Variants in FBXW7 observed in about 807,000 individuals in gnomAD.
FBXW7 encodes F-box and WD repeat domain containing 7.
A neutral mutation model predicts 86.3 loss-of-function variants in FBXW7; 11 were observed. That is an observed-to-expected ratio of 0.13 (90% CI 0.08 to 0.21). The LOEUF is 0.21. Among genes scored for constraint, FBXW7 ranks in the 10% least tolerant of loss-of-function variants. The pLI, the probability that FBXW7 is intolerant of heterozygous loss-of-function variation, is 1.00. For synonymous variants in FBXW7, 313 were observed against 297.9 expected, an observed-to-expected ratio of 1.05 and a Z score of -0.52; for missense variants, 488 against 847.4, an observed-to-expected ratio of 0.58 and a Z score of 5.27.
At chr4:152,473,591 C>T (rs914041155) in intron 2 of FBXW7, among the ~76,000 whole-genome samples, 2 of 152,176 alleles carry the variant, frequency 1.3e-5, no homozygotes, top group Non-Finnish European at 2.9e-5. Context: ...CTCAAGCAAT[C>T]CACCTCAGCT....
At chr4:152,466,275 G>T (rs919749830) in intron 2 of FBXW7, among the ~76,000 whole-genome samples, 8 of 152,158 alleles carry the variant, frequency 5.3e-5, no homozygotes, top group Non-Finnish European at 4.4e-5. Context: ...AAAGACACTG[G>T]CTGGGCGCAG....
intron 2 of FBXW7, among the ~76,000 whole-genome samples, chr4:152,511,028 A>G (rs1033279471): frequency 6.8e-6 from 1 of 147,854 alleles, no homozygotes; most frequent in Non-Finnish European, 1.5e-5. Context: ...AGCCTCAAAC[A>G]CCACGGTTAA....
intron 2 of FBXW7, among the ~76,000 whole-genome samples, chr4:152,456,348 T>TA (rs1209502003): frequency 3.5e-5 from 4 of 115,892 alleles, no homozygotes; most frequent in East Asian, 4.7e-4. Flanking sequence ...CCTATCTCTT[T>TA]AAAAAAATCC....
At chr4:152,366,832 T>C (rs1733530716) in intron 4 of FBXW7, among the ~76,000 whole-genome samples, 1 of 152,216 alleles carries the variant, frequency 6.6e-6, no homozygotes, top group South Asian at 2.1e-4. Flanking sequence ...CACACGTATG[T>C]TTATTGTGGC....
At chr4:152,451,060 T>C (rs372835773) in intron 2 of FBXW7, among the ~76,000 whole-genome samples, 35 of 152,310 alleles carry the variant, frequency 2.3e-4, no homozygotes, top group Admixed American at 9.8e-4. Context: ...AGGTTGCAGA[T>C]AGATGGAGCT....
Position 152,361,545 on chromosome 4 carries a change from ATAGT to A in FBXW7, c.502-11425_502-11422del, listed in dbSNP as rs754118826. Among the ~76,000 whole-genome samples the A allele has an allele frequency of 3.6e-4, 55 of 152,214 alleles. 1 individual carries two copies. The highest frequency in any genetic ancestry group is 5.7e-4 in the Non-Finnish European group (39 of 68,024). ...TTATGTGCAGTGAACTGTAAGACTG[ATAGT>A]TAGAAGCACTTTGCTATCTTCTCAA... On this transcript the variant is annotated intron_variant, in intron 4 of 13. Coordinates refer to ENST00000281708, the MANE Select transcript of FBXW7 (RefSeq NM_001349798.2).
intron 4 of FBXW7, among the ~76,000 whole-genome samples, chr4:152,356,562 T>C (rs1167435548): frequency 6.6e-6 from 1 of 152,186 alleles, no homozygotes; most frequent in East Asian, 1.9e-4. Context: ...GTTAGCTGTC[T>C]TGCCCTGAGC....
intron 2 of FBXW7, among the ~76,000 whole-genome samples, chr4:152,436,145 A>T (rs1740361882): frequency 6.6e-6 from 1 of 152,222 alleles, no homozygotes; most frequent in Non-Finnish European, 1.5e-5. Flanking sequence ...TTTAAATCAA[A>T]AGCTAGAAAT....
intron 2 of FBXW7, among the ~76,000 whole-genome samples, chr4:152,487,294 G>A (rs1463305354): frequency 6.6e-6 from 1 of 152,028 alleles, no homozygotes; most frequent in African/African-American, 2.4e-5. Context: ...AGGGGAAAAG[G>A]ATACTTTTAC....
At chr4:152,400,584 C>T (rs1736838446) in intron 4 of FBXW7, among the ~76,000 whole-genome samples, 1 of 151,850 alleles carries the variant, frequency 6.6e-6, no homozygotes, top group South Asian at 2.1e-4. Context: ...TGGGCTCAAG[C>T]GATCCTCCCA....
chr4:152,460,740 G>T (rs980980936), intron 2 of FBXW7, among the ~76,000 whole-genome samples: 13 of 152,136 alleles, frequency 8.5e-5, no homozygotes, highest in African/African-American at 3.1e-4. Flanking sequence ...CTGTTTTTTT[G>T]TGTGTGTTTA....
intron 8 of FBXW7, among the ~76,000 whole-genome samples, chr4:152,331,903 G>A (rs1156498715): frequency 6.6e-6 from 1 of 151,906 alleles, no homozygotes; most frequent in Non-Finnish European, 1.5e-5. Context: ...AAGCACCCTG[G>A]ATCTTTACCT....
intron 2 of FBXW7, among the ~76,000 whole-genome samples, 200 bp downstream of exon 2, chr4:152,534,739 GCA>G (rs1750341067): frequency 6.6e-6 from 1 of 152,112 alleles, no homozygotes; most frequent in South Asian, 2.1e-4. Context: ...ACAGAAACCT[GCA>G]TACTTGCATT....
chr4:152,324,188 C>A lies in FBXW7; in HGVS notation c.1851G>T (p.Leu617Phe), dbSNP rs1465944801. The A allele has an allele frequency of 1.2e-6, 2 of 1,610,068 alleles. No individual in the cohort carries two copies. Among genetic ancestry groups the A allele is most frequent in the Non-Finnish European group, 1.7e-6 (2 of 1,178,226 alleles). ...DIKTGQCLQTLQGPNKHQSAV... is the reference protein window; with the variant it reads ...DIKTGQCLQTFQGPNKHQSAV... ...CGAAAGGTGAGTAAGACTTACCTTGCAATGTTTGTAAACACTGTCCTGTTT... is the reference window on the plus strand; with the variant it reads ...CGAAAGGTGAGTAAGACTTACCTTGAAATGTTTGTAAACACTGTCCTGTTT... Residue 617 changes from leucine (L) to phenylalanine (F), a missense_variant, in exon 13 of 14, where the codon TTG (leucine) becomes TTT (phenylalanine). Physicochemically the swap from Leu to Phe is conservative, Grantham distance 22. This residue lies in a region of FBXW7 where 142 missense variants were observed against 406.6 expected (regional missense o/e 0.35). Transcript: ENST00000281708.
chr4:152,506,391 A>C (rs992278902), intron 2 of FBXW7, among the ~76,000 whole-genome samples: 1 of 152,222 alleles, frequency 6.6e-6, no homozygotes, highest in African/African-American at 2.4e-5. Flanking sequence ...TCAGCCTCCC[A>C]AAGTGTTGGG....
chr4:152,486,075 G>C (rs760399746), intron 2 of FBXW7, among the ~76,000 whole-genome samples: 9 of 152,094 alleles, frequency 5.9e-5, no homozygotes, highest in Non-Finnish European at 1.3e-4. Context: ...GTGCGTCTGA[G>C]AATATCTAGA....
At chr4:152,468,880 T>C (rs1579286746) in intron 2 of FBXW7, among the ~76,000 whole-genome samples, 1 of 152,082 alleles carries the variant, frequency 6.6e-6, no homozygotes, top group Admixed American at 6.6e-5. Context: ...TCTTTTGTAC[T>C]TAATACAACT....
In FBXW7 at chr4:152,332,616, C is replaced by T. The variant is rs2126547946; in HGVS notation, c.965G>A (p.Arg322Lys). The T allele has an allele frequency of 6.2e-7, 1 of 1,605,414 alleles. No individual in the cohort carries two copies. The highest frequency in any genetic ancestry group is 8.5e-7 in the Non-Finnish European group (1 of 1,174,410). The change falls in exon 8 of 14, where the codon AGA becomes AAA. Residue 322 changes from arginine (R) to lysine (K), a missense_variant. By Grantham distance (26) the Arg-to-Lys change is conservative. Around this residue, in one of 4 missense-constraint regions of FBXW7, gnomAD observed 57 missense variants for 62.8 expected, o/e 0.91. Coordinates refer to ENST00000281708, the MANE Select transcript of FBXW7 (RefSeq NM_001349798.2). ...RILAEDNLLWREKCKEEGIDE... is the reference protein window; with the variant it reads ...RILAEDNLLWKEKCKEEGIDE... ...CTTACCCTCTTCTTTGCATTTCTCT[C>T]TCCAGAGAAGGTTGTCTTCAGCCAA...
Position 152,534,968 on chromosome 4 carries a change from G to C in FBXW7, c.-147C>G, listed in dbSNP as rs988330894. The C allele has an allele frequency of 9.2e-5, 14 of 152,350 alleles. No individual in the cohort carries two copies. Among genetic ancestry groups the C allele is most frequent in the African/African-American group, 3.1e-4 (13 of 41,572 alleles). The allele number at this position is 152,350 out of a possible 1,614,324, so 9.4% of individuals were successfully genotyped here. A position where few individuals can be genotyped will look rare whatever the true frequency, so the allele number is the denominator to read the frequency against. On this transcript the variant is annotated 5_prime_UTR_variant, in exon 2 of 14. Transcript: ENST00000281708. Reference sequence around the variant, plus strand: ...TTTTAGAAAAGAGCCGCGGCGCCGAGAAAGTGGGTTGGTTCCCTTCCTCCT... The same window carrying C: ...TTTTAGAAAAGAGCCGCGGCGCCGACAAAGTGGGTTGGTTCCCTTCCTCCT...
Sources: allele counts gnomAD v4.1 joint callset (sites outside exome capture counted in the v4.1 genomes callset), GRCh38; gene constraint gnomAD v4.1.1; regional missense constraint gnomAD v4.1.1; transcripts MANE v1.5; gene names NCBI Gene and HGNC (gene_info 2026-07-23, HGNC 2026-07-21).